The following DCC variants were observed in gnomAD, a reference collection of about 807,000 sequenced individuals.
DCC encodes the protein netrin receptor DCC.
Under a neutral mutation model 172.5 loss-of-function variants are expected in DCC, and 58 were observed. The observed-to-expected ratio is 0.34, with a 90% CI of 0.27 to 0.42. The LOEUF (loss-of-function observed/expected upper bound fraction) is 0.42, where lower values mean the gene tolerates loss of function less well. Ranked by LOEUF, DCC falls within the 10% of genes least tolerant of loss-of-function variation. DCC has a pLI of 1.00. For missense variants in DCC, 1,740 were observed against 1,791.0 expected, an observed-to-expected ratio of 0.97 and a Z score of 0.51; for synonymous variants, 709 against 644.5, an observed-to-expected ratio of 1.10 and a Z score of -1.52.
intron 1 of DCC, among the ~76,000 whole-genome samples, chr18:52,465,110 G>A (rs1988747347): frequency 6.6e-6 from 1 of 152,156 alleles, no homozygotes; most frequent in South Asian, 2.1e-4. Flanking sequence ...AACTAGGGAA[G>A]TGATGGGTAT....
chr18:52,571,592 G>A (rs1489973149), intron 1 of DCC, among the ~76,000 whole-genome samples: 2 of 152,110 alleles, frequency 1.3e-5, no homozygotes, highest in African/African-American at 2.4e-5. Context: ...CAGTGTCCAT[G>A]AGCCCTGACT....
chr18:53,253,614 T>C (rs2056468902), intron 12 of DCC, among the ~76,000 whole-genome samples: 1 of 152,056 alleles, frequency 6.6e-6, no homozygotes, highest in African/African-American at 2.4e-5. Flanking sequence ...GAAAATACTC[T>C]GAAAAAAAAT....
chr18:53,231,482 G>A (rs2056120372), intron 12 of DCC, among the ~76,000 whole-genome samples: 2 of 152,076 alleles, frequency 1.3e-5, no homozygotes, highest in African/African-American at 4.8e-5. Flanking sequence ...GCACATACTA[G>A]CTTCACCTAA....
At chr18:52,531,545 A>G (rs1673536918) in intron 1 of DCC, among the ~76,000 whole-genome samples, 1 of 152,156 alleles carries the variant, frequency 6.6e-6, no homozygotes, top group Admixed American at 6.6e-5. Context: ...GATGTTTACT[A>G]TTTCATACTA....
intron 21 of DCC, among the ~76,000 whole-genome samples, chr18:53,430,590 CATT>C (rs1288852268): frequency 6.6e-6 from 1 of 152,084 alleles, no homozygotes; most frequent in African/African-American, 2.4e-5. Flanking sequence ...TTAATATAAA[CATT>C]AATGTTATTT....
intron 1 of DCC, among the ~76,000 whole-genome samples, chr18:52,687,283 CTTTTTTT>C (rs5824954): frequency 7.9e-6 from 1 of 126,402 alleles, no homozygotes. Flanking sequence ...TTTCTTTTTC[CTTTTTTT>C]TTTTTTTTTT....
At chr18:52,991,898 T>C (rs1015150102) in intron 5 of DCC, among the ~76,000 whole-genome samples, 1 of 152,198 alleles carries the variant, frequency 6.6e-6, no homozygotes, top group African/African-American at 2.4e-5. Context: ...TACCATTTCT[T>C]CTATAGCTAG....
chr18:53,188,234 T>C (rs1318780032), intron 9 of DCC, among the ~76,000 whole-genome samples: 1 of 152,148 alleles, frequency 6.6e-6, no homozygotes, highest in East Asian at 1.9e-4. Context: ...ATAGAATACG[T>C]CAGTGCATTA....
Position 53,204,051 on chromosome 18 carries a change from A to G in DCC, c.1574-1165A>G, listed in dbSNP as rs148865599. 2.5e-3 allele frequency among the ~76,000 whole-genome samples: 352 copies of G among 140,440 alleles called. 5 individuals carry two copies. Among genetic ancestry groups the G allele is most frequent in the Non-Finnish European group, 7.1e-4 (48 of 67,914 alleles). 92.1% of individuals were successfully genotyped at this position (140,440 alleles called of 152,430 possible). On this transcript the variant is annotated intron_variant, in intron 9 of 28. Transcript: ENST00000442544. Reference sequence around the variant, plus strand: ...AATGAGCCCATTTGGCATGAATATCATATGCTTTACTGCAAATATATAGTT... The same window carrying G: ...AATGAGCCCATTTGGCATGAATATCGTATGCTTTACTGCAAATATATAGTT...
At chr18:53,182,986 T>A (rs1303363531) in intron 9 of DCC, among the ~76,000 whole-genome samples, 1 of 152,192 alleles carries the variant, frequency 6.6e-6, no homozygotes, top group Non-Finnish European at 1.5e-5. Context: ...AATGATCTTA[T>A]CTTTTGAAAA....
chr18:53,053,779 A>T (rs2042365988), intron 5 of DCC, among the ~76,000 whole-genome samples: 1 of 152,134 alleles, frequency 6.6e-6, no homozygotes, highest in African/African-American at 2.4e-5. Context: ...GATATTTATT[A>T]TTTGTGGCAT....
At chr18:52,879,575 G>A (rs558505060) in intron 2 of DCC, among the ~76,000 whole-genome samples, 5 of 151,898 alleles carry the variant, frequency 3.3e-5, no homozygotes, top group African/African-American at 9.7e-5. Context: ...GGTATTACAA[G>A]CATGTGCCAT....
intron 1 of DCC, among the ~76,000 whole-genome samples, chr18:52,507,296 C>T (rs962349013): frequency 6.6e-6 from 1 of 152,062 alleles, no homozygotes; most frequent in African/African-American, 2.4e-5. Context: ...GTTATTTTTT[C>T]TAATCATTTC....
intron 12 of DCC, among the ~76,000 whole-genome samples, chr18:53,281,239 T>C (rs1206641148): frequency 6.6e-6 from 1 of 152,176 alleles, no homozygotes; most frequent in Non-Finnish European, 1.5e-5. Context: ...TTTTTAAATA[T>C]ATTTTCATGA....
At chr18:52,642,588 T>C (rs1246814946) in intron 1 of DCC, among the ~76,000 whole-genome samples, 3 of 152,110 alleles carry the variant, frequency 2.0e-5, no homozygotes, top group African/African-American at 7.2e-5. Context: ...ACTCAGGAAA[T>C]ATTTTTTGCT....
chr18:52,788,083 C>A (rs62081959), intron 2 of DCC, among the ~76,000 whole-genome samples: 3,824 of 152,196 alleles, frequency 0.025, 68 homozygotes, highest in Middle Eastern at 0.078. Context: ...CCATATAATA[C>A]CCTTTGAATT....
chr18:52,354,097 C>G (rs1467237022), intron 1 of DCC, among the ~76,000 whole-genome samples: 4 of 152,128 alleles, frequency 2.6e-5, no homozygotes, highest in Admixed American at 1.3e-4. Flanking sequence ...AAAGAGAAAG[C>G]ATCATTGTTC....
chr18:52,514,583 T>A (rs146613024), intron 1 of DCC, among the ~76,000 whole-genome samples: 13 of 152,378 alleles, frequency 8.5e-5, no homozygotes, highest in African/African-American at 3.1e-4. Context: ...TGCATGAGAC[T>A]GCTGATTTGT....
At chr18:52,830,120 A>C (rs1387405654) in intron 2 of DCC, among the ~76,000 whole-genome samples, 1 of 152,162 alleles carries the variant, frequency 6.6e-6, no homozygotes, top group Non-Finnish European at 1.5e-5. Context: ...GGAAGTAAGC[A>C]AGCCAGGAAG....
Sources: allele counts gnomAD v4.1 joint callset (sites outside exome capture counted in the v4.1 genomes callset), GRCh38; gene constraint gnomAD v4.1.1; transcripts MANE v1.5; gene names NCBI Gene and HGNC (gene_info 2026-07-23, HGNC 2026-07-21).